The following CPEB3 variants were observed in gnomAD, a reference collection of about 807,000 sequenced individuals.
CPEB3 encodes cytoplasmic polyadenylation element binding protein 3, also known as cytoplasmic polyadenylation element-binding protein 3.
A neutral mutation model predicts 67.2 loss-of-function variants in CPEB3; 20 were observed. That is an observed-to-expected ratio of 0.30 (90% CI 0.21 to 0.43). The LOEUF (loss-of-function observed/expected upper bound fraction) is 0.43. CPEB3 is among the 20% of genes least tolerant of loss of function. The pLI, the probability that CPEB3 is intolerant of heterozygous loss-of-function variation, is 1.00. For missense variants in CPEB3, 746 were observed against 968.6 expected (o/e 0.77, Z 3.05); for synonymous variants, 376 against 393.1 (o/e 0.96, Z 0.51).
chr10:92,240,115 G>T lies in CPEB3; in HGVS notation c.236C>A (p.Pro79Gln). The change falls in exon 2 of 10, where the codon CCA becomes CAA. Residue 79 changes from proline to glutamine, a missense_variant. Physicochemically the swap from Pro to Gln is moderately conservative, Grantham distance 76. Around this residue, in one of 2 missense-constraint regions of CPEB3, gnomAD observed 643 missense variants for 717.5 expected, o/e 0.90. Coordinates refer to ENST00000265997, the MANE Select transcript of CPEB3 (RefSeq NM_014912.5). ...DKMQMESPLLPGLSFHQPPQQ... is the reference protein window; with the variant it reads ...DKMQMESPLLQGLSFHQPPQQ... ...AGGAGGCTGATGGAAACTCAAGCCTGGCAGGAGCGGTGATTCCATCTGCAT... is the reference window on the plus strand; with the variant it reads ...AGGAGGCTGATGGAAACTCAAGCCTTGCAGGAGCGGTGATTCCATCTGCAT... 1 of 1,576,180 alleles carries T rather than the reference G, an allele frequency of 6.3e-7. No individual in the cohort carries two copies.
chr10:92,274,017 T>C (rs997122774), intron 1 of CPEB3, among the ~76,000 whole-genome samples: 1 of 152,208 alleles, frequency 6.6e-6, no homozygotes, highest in Non-Finnish European at 1.5e-5. Flanking sequence ...ATTGCTCCTG[T>C]AATAAATCAC....
chr10:92,105,529 A>C (rs751689641), intron 7 of CPEB3, among the ~76,000 whole-genome samples: 3 of 152,080 alleles, frequency 2.0e-5, no homozygotes, highest in Non-Finnish European at 4.4e-5. Flanking sequence ...TCATCCTTCA[A>C]GCCTAATTCA....
At chr10:92,226,206 G>T (rs1003615913) in intron 2 of CPEB3, among the ~76,000 whole-genome samples, 3 of 152,152 alleles carry the variant, frequency 2.0e-5, no homozygotes, top group Non-Finnish European at 4.4e-5. Flanking sequence ...GAAAAACTCC[G>T]AAAATATCTT....
chr10:92,097,643 T>G (rs1404541533), intron 7 of CPEB3, among the ~76,000 whole-genome samples: 1 of 152,178 alleles, frequency 6.6e-6, no homozygotes, highest in Non-Finnish European at 1.5e-5. Flanking sequence ...AACATCAGCC[T>G]TCAAGAAATC....
At chr10:92,284,542 C>T (rs1842445410) in intron 1 of CPEB3, among the ~76,000 whole-genome samples, 1 of 151,996 alleles carries the variant, frequency 6.6e-6, no homozygotes, top group Admixed American at 6.6e-5. Flanking sequence ...GGCATTTGTA[C>T]ACGCTGTTCT....
At chr10:92,100,356 C>A (rs1026717289) in intron 7 of CPEB3, among the ~76,000 whole-genome samples, 1 of 152,134 alleles carries the variant, frequency 6.6e-6, no homozygotes, top group Non-Finnish European at 1.5e-5. Flanking sequence ...TCACTGCAAC[C>A]TCTGCCTCCC....
chr10:92,172,485 T>C (rs1323243802), intron 4 of CPEB3, among the ~76,000 whole-genome samples: 6 of 152,174 alleles, frequency 3.9e-5, no homozygotes, highest in Admixed American at 3.3e-4. Flanking sequence ...TTAATAGTTA[T>C]AAAGGAGTTA....
At position 92,116,265 on chromosome 10, in the gene CPEB3, A is replaced by ATAAT. The variant is rs370828435; in HGVS notation, c.1454-5072_1454-5071insATTA. On this transcript the variant is annotated intron_variant, in intron 6 of 9. Coordinates refer to ENST00000265997, the MANE Select transcript of CPEB3 (RefSeq NM_014912.5). The stretch of plus-strand genomic sequence containing the variant: ...CACACCTTCCAGTAAAAAAAAAAAA[A>ATAAT]AATAATAATAATAATAATATGCACT... Among the ~76,000 whole-genome samples, 92 of 145,836 alleles carry ATAAT rather than the reference A, an allele frequency of 6.3e-4. No individual in the cohort carries two copies. The East Asian group carries it at 0.017, about 27-fold the overall frequency.
chr10:92,202,213 T>C (rs1849556185), intron 2 of CPEB3, among the ~76,000 whole-genome samples: 2 of 152,132 alleles, frequency 1.3e-5, no homozygotes, highest in Admixed American at 1.3e-4. Flanking sequence ...TGGCTGTTTC[T>C]TATAAAGTTA....
At chr10:92,134,068 A>C (rs1455495979) in intron 6 of CPEB3, among the ~76,000 whole-genome samples, 1 of 152,238 alleles carries the variant, frequency 6.6e-6, no homozygotes, top group Non-Finnish European at 1.5e-5. Context: ...ATCATACTGA[A>C]TGGGAAAAAC....
chr10:92,126,563 A>C (rs1350435167), intron 6 of CPEB3, among the ~76,000 whole-genome samples: 1 of 152,198 alleles, frequency 6.6e-6, no homozygotes, highest in African/African-American at 2.4e-5. Context: ...GCCAAGGACC[A>C]CTTTCGTTTT....
At chr10:92,174,904 G>C (rs1339999611) in intron 4 of CPEB3, among the ~76,000 whole-genome samples, 1 of 152,038 alleles carries the variant, frequency 6.6e-6, no homozygotes, top group Non-Finnish European at 1.5e-5. Context: ...TATCTTCTCT[G>C]GGTAAGACTA....
chr10:92,081,914 C>G (rs1190378711), intron 8 of CPEB3, among the ~76,000 whole-genome samples: 1 of 152,166 alleles, frequency 6.6e-6, no homozygotes, highest in Non-Finnish European at 1.5e-5. Flanking sequence ...AAAGCAATTA[C>G]TAGTGTCACA....
At chr10:92,280,995 G>A (rs951788426) in intron 1 of CPEB3, among the ~76,000 whole-genome samples, 1 of 151,152 alleles carries the variant, frequency 6.6e-6, no homozygotes, top group Non-Finnish European at 1.5e-5. Flanking sequence ...CCTGATCTCA[G>A]GTGATCCACC....
At chr10:92,095,039 A>G (rs912210613) in intron 7 of CPEB3, among the ~76,000 whole-genome samples, 6 of 152,202 alleles carry the variant, frequency 3.9e-5, no homozygotes, top group Non-Finnish European at 7.3e-5. Flanking sequence ...ATTAATTGAG[A>G]CAGGAAATAC....
chr10:92,250,127 G>A lies in CPEB3; in HGVS notation c.-11-9766C>T, dbSNP rs188992050. ...TTTTGAGACAGAGTCTTGCTCTGTC[G>A]CCCAGGCTAGAGTGCAGTGGCGCGA... On this transcript the variant is annotated intron_variant, in intron 1 of 9. Transcript: ENST00000265997. Among the ~76,000 whole-genome samples, 353 of 151,012 alleles carry A rather than the reference G, an allele frequency of 2.3e-3. 1 individual carries two copies. The highest frequency in any genetic ancestry group is 8.3e-3 in the African/African-American group (340 of 41,202).
At chr10:92,227,988 A>G (rs1851071635) in intron 2 of CPEB3, among the ~76,000 whole-genome samples, 1 of 152,056 alleles carries the variant, frequency 6.6e-6, no homozygotes, top group Admixed American at 6.6e-5. Context: ...CCCGGATTCA[A>G]GCTATTCTCC....
At chr10:92,268,917 G>A (rs1461865646) in intron 1 of CPEB3, among the ~76,000 whole-genome samples, 1 of 152,060 alleles carries the variant, frequency 6.6e-6, no homozygotes, top group African/African-American at 2.4e-5. Flanking sequence ...GGGCACAATT[G>A]GCAAATACAC....
intron 6 of CPEB3, among the ~76,000 whole-genome samples, chr10:92,134,940 C>G (rs571463362): frequency 9.9e-5 from 15 of 152,086 alleles, no homozygotes; most frequent in Admixed American, 3.3e-4. Flanking sequence ...ATAAATGGTG[C>G]TGGGAAAACT....
Sources: allele counts gnomAD v4.1 joint callset (sites outside exome capture counted in the v4.1 genomes callset), GRCh38; gene constraint gnomAD v4.1.1; regional missense constraint gnomAD v4.1.1; transcripts MANE v1.5; gene names NCBI Gene and HGNC (gene_info 2026-07-23, HGNC 2026-07-21).